The following CADM2 variants were observed in gnomAD, a reference collection of about 807,000 sequenced individuals.
CADM2 encodes the protein cell adhesion molecule 2.
CADM2 carries 12 observed loss-of-function variants against 49.8 expected under a neutral mutation model. The observed-to-expected ratio is 0.24, with a 90% CI of 0.15 to 0.39. The LOEUF (loss-of-function observed/expected upper bound fraction) is 0.39, where lower values mean the gene tolerates loss of function less well. CADM2 is among the 10% of genes least tolerant of loss of function. CADM2 has a pLI of 1.00. For missense variants in CADM2, 378 were observed against 492.3 expected, an observed-to-expected ratio of 0.77 and a Z score of 2.20; for synonymous variants, 214 against 175.4, an observed-to-expected ratio of 1.22 and a Z score of -1.74.
At chr3:85,912,773 TC>T (rs1220740446) in intron 6 of CADM2, among the ~76,000 whole-genome samples, 1 of 152,132 alleles carries the variant, frequency 6.6e-6, no homozygotes, top group Non-Finnish European at 1.5e-5. Context: ...AGGTTAATAC[TC>T]CTATGTTTCA....
chr3:85,236,547 C>A (rs1354328204), intron 1 of CADM2, among the ~76,000 whole-genome samples: 1 of 151,880 alleles, frequency 6.6e-6, no homozygotes, highest in East Asian at 1.9e-4. Context: ...TAGTTATTTG[C>A]CATTTAAGAA....
chr3:85,871,227 C>T (rs2075914529), intron 3 of CADM2, among the ~76,000 whole-genome samples: 1 of 152,100 alleles, frequency 6.6e-6, no homozygotes, highest in African/African-American at 2.4e-5. Context: ...AAAACATGAA[C>T]AGACAGTTTT....
chr3:85,466,464 C>G (rs1050039239), intron 1 of CADM2, among the ~76,000 whole-genome samples: 1 of 152,136 alleles, frequency 6.6e-6, no homozygotes, highest in African/African-American at 2.4e-5. Flanking sequence ...AAACGCTTTG[C>G]CTTTTTTGCA....
intron 1 of CADM2, among the ~76,000 whole-genome samples, chr3:85,299,980 A>AATTACTAG (rs1451617903): frequency 6.6e-6 from 1 of 152,068 alleles, no homozygotes; most frequent in African/African-American, 2.4e-5. Context: ...TCTCAACACC[A>AATTACTAG]ATTACTAGAT....
At chr3:85,635,829 A>G (rs186279159) in intron 1 of CADM2, among the ~76,000 whole-genome samples, 9 of 152,302 alleles carry the variant, frequency 5.9e-5, no homozygotes, top group Admixed American at 2.6e-4. Context: ...ATTTCAGCCA[A>G]TGATGGACTG....
intron 1 of CADM2, among the ~76,000 whole-genome samples, chr3:85,038,069 G>A (rs1480781854): frequency 6.6e-6 from 1 of 152,028 alleles, no homozygotes; most frequent in African/African-American, 2.4e-5. Context: ...CCAATGCCTG[G>A]TATAGTTTGT....
chr3:85,339,435 G>A lies in CADM2; in HGVS notation c.61+379767G>A, dbSNP rs545769104. Among the ~76,000 whole-genome samples the A allele has an allele frequency of 2.0e-5, 3 of 151,500 alleles. 1 individual carries two copies. The South Asian group carries it at 6.2e-4, about 31-fold the overall frequency. ...CTTTTTTTACTTTCTCTAGTTTATA[G>A]AATCATTCCTCAATAATGGTTTCTC... On this transcript the variant is annotated intron_variant, in intron 1 of 9. Transcript: ENST00000383699.
At chr3:85,717,317 A>G (rs1379817323) in intron 1 of CADM2, among the ~76,000 whole-genome samples, 1 of 152,054 alleles carries the variant, frequency 6.6e-6, no homozygotes, top group African/African-American at 2.4e-5. Flanking sequence ...GCTGGATAGG[A>G]ATGCTTGTGA....
At chr3:85,898,067 A>G (rs904939586) in intron 5 of CADM2, among the ~76,000 whole-genome samples, 2 of 152,110 alleles carry the variant, frequency 1.3e-5, no homozygotes, top group African/African-American at 4.8e-5. Context: ...AAATGTGGGT[A>G]TGTATATCTG....
chr3:85,961,345 T>TA, intron 7 of CADM2, 124 bp from the exon 8 acceptor site: 1 of 748,326 alleles, frequency 1.3e-6, no homozygotes, highest in East Asian at 2.8e-5. Flanking sequence ...TTTGGTATCT[T>TA]ATAGAAGTTA....
chr3:85,687,791 G>T lies in CADM2; in HGVS notation c.62-38731G>T, dbSNP rs150505930. Among the ~76,000 whole-genome samples the T allele has an allele frequency of 2.0e-5, 3 of 152,194 alleles. No individual in the cohort carries two copies. The East Asian group carries it at 5.8e-4, about 29-fold the overall frequency. On this transcript the variant is annotated intron_variant, in intron 1 of 9. Coordinates refer to ENST00000383699, the MANE Select transcript of CADM2 (RefSeq NM_001167675.2). ...AGAGATAGTTTTTTCTAGAGCAAGG[G>T]TCCCCACACTGCTTGCCATGGACCA...
At chr3:85,817,643 A>G (rs577358911) in intron 3 of CADM2, among the ~76,000 whole-genome samples, 21 of 152,284 alleles carry the variant, frequency 1.4e-4, no homozygotes, top group South Asian at 4.1e-4. Flanking sequence ...GGATAGCTGC[A>G]CTTGAATCAC....
intron 2 of CADM2, among the ~76,000 whole-genome samples, chr3:85,734,976 A>ATGTGTG (rs760487519): frequency 0.26 from 28,992 of 113,084 alleles, 3,437 homozygotes; most frequent in Middle Eastern, 0.33. Context: ...AGAAATATAT[A>ATGTGTG]TATGTGTGTG....
At chr3:85,969,351 A>T (rs1228798757) in intron 8 of CADM2, among the ~76,000 whole-genome samples, 3 of 151,366 alleles carry the variant, frequency 2.0e-5, no homozygotes, top group Non-Finnish European at 4.4e-5. Context: ...CCTCTAAGTT[A>T]TCAAGGTCAT....
intron 3 of CADM2, among the ~76,000 whole-genome samples, chr3:85,872,520 G>A (rs1227671199): frequency 6.6e-6 from 1 of 151,200 alleles, no homozygotes; most frequent in Non-Finnish European, 1.5e-5. Context: ...TATAAAAGAT[G>A]TTTATCAAAT....
intron 1 of CADM2, among the ~76,000 whole-genome samples, chr3:85,447,981 T>TA (rs1054287187): frequency 5.9e-5 from 9 of 151,988 alleles, no homozygotes; most frequent in Non-Finnish European, 1.2e-4. Context: ...GAAAAGCCAA[T>TA]AAGCAAAACA....
intron 1 of CADM2, among the ~76,000 whole-genome samples, chr3:85,587,939 G>A: frequency 6.6e-6 from 1 of 151,838 alleles, no homozygotes; most frequent in East Asian, 1.9e-4. Flanking sequence ...TTTTGTTTTT[G>A]TATTTTTTGT....
chr3:85,084,768 C>G (rs1228935653), intron 1 of CADM2, among the ~76,000 whole-genome samples: 1 of 152,012 alleles, frequency 6.6e-6, no homozygotes, highest in Admixed American at 6.6e-5. Context: ...TCTTAGATAG[C>G]TTTGTTTCAA....
chr3:85,609,268 C>G (rs975117088), intron 1 of CADM2, among the ~76,000 whole-genome samples: 1 of 152,008 alleles, frequency 6.6e-6, no homozygotes, highest in Non-Finnish European at 1.5e-5. Context: ...ATGCACCTGT[C>G]TAGTCCATGT....
Sources: gnomAD v4.1 joint callset for allele counts (sites outside exome capture counted in the v4.1 genomes callset) on GRCh38, gnomAD v4.1.1 for gene constraint, MANE v1.5 for transcripts, NCBI Gene and HGNC (gene_info 2026-07-23, HGNC 2026-07-21) for gene names.